ATOH8: variants seen among roughly 807,000 people sequenced by gnomAD.
ATOH8 encodes the protein atonal bHLH transcription factor 8.
Under a neutral mutation model 21.2 loss-of-function variants are expected in ATOH8, and 9 were observed. The ratio of observed to expected loss-of-function variants is 0.42; its 90% confidence interval spans 0.26 to 0.74. The LOEUF (loss-of-function observed/expected upper bound fraction) is 0.74, where lower values mean the gene tolerates loss of function less well. ATOH8 is among the 30% of genes least tolerant of loss of function. ATOH8 has a pLI of 0.24. For synonymous variants in ATOH8, 253 were observed against 224.0 expected, an observed-to-expected ratio of 1.13 and a Z score of -1.16; for missense variants, 524 against 470.9, an observed-to-expected ratio of 1.11 and a Z score of -1.04.
At chr2:85,773,940 G>C in intron 2 of ATOH8, 1 of 267,660 alleles carries the variant, frequency 3.7e-6, no homozygotes, top group South Asian at 1.4e-4. Flanking sequence ...ACCTCTGGGG[G>C]CAGGTATCTG....
chr2:85,758,007 G>A (rs1480187956), intron 1 of ATOH8, among the ~76,000 whole-genome samples: 1 of 151,952 alleles, frequency 6.6e-6, no homozygotes, highest in Non-Finnish European at 1.5e-5. Flanking sequence ...GGCTGGCCTC[G>A]AACTCCTGGG....
rs141652725 is a variant in ATOH8 at position 85,781,507 on chromosome 2, C to T, written c.961-5378C>T. Among the ~76,000 whole-genome samples the T allele has an allele frequency of 2.7e-3, 416 of 152,116 alleles. 3 individuals are homozygous for T. The highest frequency in any genetic ancestry group is 0.019 in the South Asian group (89 of 4,806). ...ATTTGAACCCAAGAGGCAAAGTTAC[C>T]GTGAGCCAAGATCACGCCACTGTAC... On this transcript the variant is annotated intron_variant, in intron 2 of 2. Transcript: ENST00000306279.
chr2:85,778,582 G>A (rs1680398767), intron 2 of ATOH8, among the ~76,000 whole-genome samples: 2 of 152,312 alleles, frequency 1.3e-5, no homozygotes, highest in Middle Eastern at 3.4e-3. Flanking sequence ...ATCCACAGCC[G>A]GGCTCCGTCC....
chr2:85,767,186 C>T (rs189621931), intron 2 of ATOH8, among the ~76,000 whole-genome samples: 3 of 152,298 alleles, frequency 2.0e-5, no homozygotes, highest in Non-Finnish European at 2.9e-5. Flanking sequence ...CCTCCATTTA[C>T]AGAGATTCTG....
At chr2:85,783,837 C>G (rs912871767) in intron 2 of ATOH8, among the ~76,000 whole-genome samples, 2 of 149,332 alleles carry the variant, frequency 1.3e-5, no homozygotes, top group Non-Finnish European at 2.9e-5. Flanking sequence ...TGCAATTATG[C>G]ACCCCCACAT....
At chr2:85,755,612 T>C (rs1213124948) in intron 1 of ATOH8, among the ~76,000 whole-genome samples, 1 of 152,152 alleles carries the variant, frequency 6.6e-6, no homozygotes, top group Non-Finnish European at 1.5e-5. Context: ...CTGCCTAGGT[T>C]GGGGATTCCC....
In ATOH8 at chr2:85,754,001, C is replaced by G. The variant is rs1346146383; in HGVS notation, c.-189C>G. 2.4e-5 allele frequency: 14 copies of G among 575,906 alleles called. No homozygotes were observed. Among genetic ancestry groups the G allele is most frequent in the Non-Finnish European group, 3.9e-5 (14 of 355,478 alleles). 35.7% of individuals were successfully genotyped at this position (575,906 alleles called of 1,614,324 possible). On this transcript the variant is annotated 5_prime_UTR_variant, in exon 1 of 3. Coordinates refer to ENST00000306279, the MANE Select transcript of ATOH8 (RefSeq NM_032827.7). ...GGAGGCAGCGACTTCAGATGACACT[C>G]TGAGCGCTCCGGGAACGGACAGCCC...
At chr2:85,760,212 T>C (rs1234768398) in intron 1 of ATOH8, among the ~76,000 whole-genome samples, 1 of 152,132 alleles carries the variant, frequency 6.6e-6, no homozygotes, top group African/African-American at 2.4e-5. Context: ...AAAATCCTTG[T>C]GGGATGAGCA....
chr2:85,772,295 G>C (rs962819693), intron 2 of ATOH8, among the ~76,000 whole-genome samples: 1 of 152,220 alleles, frequency 6.6e-6, no homozygotes, highest in Non-Finnish European at 1.5e-5. Flanking sequence ...AGCTGGGAGC[G>C]CGCCTGGTTC....
intron 1 of ATOH8, among the ~76,000 whole-genome samples, chr2:85,757,979 G>T (rs981435815): frequency 1.3e-5 from 2 of 151,878 alleles, no homozygotes; most frequent in Admixed American, 1.3e-4. Context: ...AGGGATGGGG[G>T]TTTCACCATG....
intron 2 of ATOH8, chr2:85,775,347 C>T: frequency 2.1e-6 from 2 of 964,880 alleles, no homozygotes; most frequent in African/African-American, 1.8e-5. Context: ...AGGGACATTC[C>T]CTTCTAGGGA....
intron 2 of ATOH8, among the ~76,000 whole-genome samples, chr2:85,771,628 GC>G (rs1680183664): frequency 6.6e-6 from 1 of 152,190 alleles, no homozygotes; most frequent in African/African-American, 2.4e-5. Context: ...GGTGCAGCCT[GC>G]AGCCCATCCA....
chr2:85,764,625 A>C (rs1679957566), intron 2 of ATOH8, among the ~76,000 whole-genome samples: 1 of 152,160 alleles, frequency 6.6e-6, no homozygotes, highest in South Asian at 2.1e-4. Flanking sequence ...ATCTGAGGCT[A>C]TGCATTAAGG....
intron 1 of ATOH8, among the ~76,000 whole-genome samples, chr2:85,755,933 T>C (rs1409489304): frequency 6.6e-6 from 1 of 151,966 alleles, no homozygotes; most frequent in East Asian, 1.9e-4. Flanking sequence ...ACTCTGCAGC[T>C]GACTTGCTGT....
Position 85,787,791 on chromosome 2 carries a change from C to A in ATOH8, c.*901C>A, listed in dbSNP as rs919829128. Reference sequence around the variant, plus strand: ...GAAAAAGAGTTTTTCTCTTGTTCAGCCTGCACGTGGCCTGAGGAAGGAGTA... The same window carrying A: ...GAAAAAGAGTTTTTCTCTTGTTCAGACTGCACGTGGCCTGAGGAAGGAGTA... On this transcript the variant is annotated 3_prime_UTR_variant, in exon 3 of 3. Transcript: ENST00000306279. 2 of 152,792 alleles carry A rather than the reference C, an allele frequency of 1.3e-5. No individual in the cohort carries two copies. Among genetic ancestry groups the A allele is most frequent in the Non-Finnish European group, 2.9e-5 (2 of 68,156 alleles). The allele number at this position is 152,792 out of a possible 1,614,324, so 9.5% of individuals were successfully genotyped here. A position where few individuals can be genotyped will look rare whatever the true frequency, so the allele number is the denominator to read the frequency against.
At chr2:85,769,046 TGAG>T (rs1301797407) in intron 2 of ATOH8, among the ~76,000 whole-genome samples, 4 of 152,112 alleles carry the variant, frequency 2.6e-5, no homozygotes, top group Admixed American at 2.6e-4. Context: ...TGGGAGCTTC[TGAG>T]GAGGAGGAGG....
Position 85,754,253 on chromosome 2 carries a change from G to C in ATOH8, c.64G>C (p.Gly22Arg). ...WKTVCVKELN[G>R]LKKLKRKGKE... ...GACCGTGTGCGTGAAGGAGCTGAAC[G>C]GCCTTAAGAAGCTCAAGCGGAAAGG... The change falls in exon 1 of 3, where the codon GGC (glycine) becomes CGC (arginine). Residue 22 changes from glycine to arginine, a missense_variant. Transcript: ENST00000306279. 1.9e-6 allele frequency: 3 copies of C among 1,609,380 alleles called. No homozygotes were observed. The highest frequency in any genetic ancestry group is 1.3e-5 in the African/African-American group (1 of 74,166).
chr2:85,759,928 T>C (rs1473819716), intron 1 of ATOH8, among the ~76,000 whole-genome samples: 1 of 152,140 alleles, frequency 6.6e-6, no homozygotes, highest in African/African-American at 2.4e-5. Flanking sequence ...TAGGAAGTTT[T>C]CCCACATTTG....
At chr2:85,759,384 C>T (rs532250613) in intron 1 of ATOH8, among the ~76,000 whole-genome samples, 1 of 152,284 alleles carries the variant, frequency 6.6e-6, no homozygotes, top group South Asian at 2.1e-4. Context: ...TGGAGCCTCA[C>T]TGCACTGAGT....
Sources: allele counts gnomAD v4.1 joint callset (sites outside exome capture counted in the v4.1 genomes callset), GRCh38; gene constraint gnomAD v4.1.1; transcripts MANE v1.5; gene names NCBI Gene and HGNC (gene_info 2026-07-23, HGNC 2026-07-21).